The following IFT25 variants were observed in gnomAD, a reference collection of about 807,000 sequenced individuals.
The protein encoded by IFT25 is intraflagellar transport 25, also known as intraflagellar transport protein 25 homolog.
the IFT25 span, among the ~76,000 whole-genome samples, chr1:53,913,356 C>T: frequency 6.6e-6 from 1 of 152,176 alleles, no homozygotes; most frequent in African/African-American, 2.4e-5. Flanking sequence ...AGAGCGCTCC[C>T]TCAATAAATC....
At chr1:53,930,817 T>C in the IFT25 span, among the ~76,000 whole-genome samples, 1 of 152,232 alleles carries the variant, frequency 6.6e-6, no homozygotes, top group South Asian at 2.1e-4. Context: ...AGTAGACACA[T>C]GCTAAATGTT....
chr1:53,941,627 T>C, the IFT25 span, among the ~76,000 whole-genome samples: 3 of 152,180 alleles, frequency 2.0e-5, no homozygotes, highest in Non-Finnish European at 4.4e-5. Context: ...TTGTCAAGCC[T>C]TAGTTTTAAG....
chr1:53,935,143 G>A, the IFT25 span, among the ~76,000 whole-genome samples: 64 of 152,244 alleles, frequency 4.2e-4, no homozygotes, highest in Admixed American at 1.1e-3. Flanking sequence ...GTGAAACTCC[G>A]TCTATACTAA....
At chr1:53,944,698 G>C in the IFT25 span, among the ~76,000 whole-genome samples, 1 of 152,288 alleles carries the variant, frequency 6.6e-6, no homozygotes, top group African/African-American at 2.4e-5. Flanking sequence ...CCCCTTTAGA[G>C]CAAGGCAATT....
At chr1:53,924,944 C>CT in the IFT25 span, among the ~76,000 whole-genome samples, 5 of 152,324 alleles carry the variant, frequency 3.3e-5, no homozygotes, top group African/African-American at 1.2e-4. Flanking sequence ...AGAGAAGTCT[C>CT]TGTGTTTCTG....
At chr1:53,940,645 A>G in the IFT25 span, among the ~76,000 whole-genome samples, 1 of 152,222 alleles carries the variant, frequency 6.6e-6, no homozygotes, top group African/African-American at 2.4e-5. Context: ...TAAGGTATAA[A>G]GTCTTAATGT....
At chr1:53,942,041 T>C in the IFT25 span, among the ~76,000 whole-genome samples, 1 of 152,326 alleles carries the variant, frequency 6.6e-6, no homozygotes, top group East Asian at 1.9e-4. Context: ...ATCCTTATCC[T>C]ACTCAACATT....
the IFT25 span, among the ~76,000 whole-genome samples, chr1:53,916,379 T>C: frequency 6.6e-6 from 1 of 152,228 alleles, no homozygotes; most frequent in Non-Finnish European, 1.5e-5. Flanking sequence ...ATGGGTGTTC[T>C]ACAGTCATCA....
chr1:53,936,033 G>A, the IFT25 span, among the ~76,000 whole-genome samples: 37 of 151,826 alleles, frequency 2.4e-4, no homozygotes, highest in Admixed American at 2.0e-3. Flanking sequence ...AGGCTGAGGC[G>A]GGCTGATTAT....
the IFT25 span, among the ~76,000 whole-genome samples, chr1:53,932,159 C>T: frequency 6.6e-6 from 1 of 151,964 alleles, no homozygotes; most frequent in African/African-American, 2.4e-5. Flanking sequence ...AAGACCAGCC[C>T]GACCAACATG....
At chr1:53,928,623 T>C in the IFT25 span, 1 of 540,988 alleles carries the variant, frequency 1.8e-6, no homozygotes, top group Non-Finnish European at 3.3e-6. Flanking sequence ...TATAGTCTTG[T>C]GTAACTAATC....
At chr1:53,942,769 A>C in the IFT25 span, among the ~76,000 whole-genome samples, 2,266 of 152,324 alleles carry the variant, frequency 0.015, 68 homozygotes, top group African/African-American at 0.051. Context: ...AAGATGAATA[A>C]AACAACCTAA....
At chr1:53,927,275 G>A in the IFT25 span, among the ~76,000 whole-genome samples, 1 of 152,222 alleles carries the variant, frequency 6.6e-6, no homozygotes, top group African/African-American at 2.4e-5. Context: ...GACCAGAAAT[G>A]AGCTGGCCTT....
At chr1:53,923,492 T>C in the IFT25 span, 1 of 161,464 alleles carries the variant, frequency 6.2e-6, no homozygotes, top group Non-Finnish European at 1.3e-5. Flanking sequence ...TATTTGTTGC[T>C]GATCCTATGC....
the IFT25 span, among the ~76,000 whole-genome samples, chr1:53,931,388 G>A: frequency 6.6e-6 from 1 of 152,090 alleles, no homozygotes; most frequent in African/African-American, 2.4e-5. Context: ...ACTATTTTGC[G>A]CTCCATTTTC....
the IFT25 span, among the ~76,000 whole-genome samples, chr1:53,925,506 A>T: frequency 6.6e-6 from 1 of 151,220 alleles, no homozygotes; most frequent in Non-Finnish European, 1.5e-5. Context: ...TAAAAAAAAA[A>T]TACAAAAAAT....
chr1:53,932,684 C>T, the IFT25 span, among the ~76,000 whole-genome samples: 4 of 152,294 alleles, frequency 2.6e-5, no homozygotes, highest in East Asian at 5.8e-4. Flanking sequence ...CATGCCTCAG[C>T]TCCAAAAGGA....
At chr1:53,944,080 C>T in the IFT25 span, among the ~76,000 whole-genome samples, 4 of 152,198 alleles carry the variant, frequency 2.6e-5, no homozygotes, top group Non-Finnish European at 5.9e-5. Flanking sequence ...ACTCATTTCA[C>T]ACCTTCTATA....
At chr1:53,917,427 T>C in the IFT25 span, among the ~76,000 whole-genome samples, 3 of 152,236 alleles carry the variant, frequency 2.0e-5, no homozygotes, top group East Asian at 1.9e-4. Flanking sequence ...TAGTTCTATA[T>C]GCATTTAAGC....
Sources: allele counts gnomAD v4.1 joint callset (sites outside exome capture counted in the v4.1 genomes callset), GRCh38; gene constraint gnomAD v4.1.1; transcripts MANE v1.5; gene names NCBI Gene and HGNC (gene_info 2026-07-23, HGNC 2026-07-21).